Variants in ADAMDEC1 observed in about 807,000 individuals in gnomAD.
ADAMDEC1 encodes the protein ADAM like decysin 1.
In ADAMDEC1, 62 loss-of-function variants were observed where a neutral mutation model predicts 60.4. That is an observed-to-expected ratio of 1.03 (90% CI 0.84 to 1.27). The LOEUF is 1.27. Ranked by LOEUF, ADAMDEC1 falls within the 50% of genes most tolerant of loss-of-function variation. ADAMDEC1 has a pLI of 0.00. For missense variants in ADAMDEC1, 595 were observed against 565.0 expected (o/e 1.05, Z -0.54); for synonymous variants, 210 against 195.1 (o/e 1.08, Z -0.64).
chr8:24,402,594 C>T (rs192056989), intron 12 of ADAMDEC1, among the ~76,000 whole-genome samples: 7 of 152,222 alleles, frequency 4.6e-5, no homozygotes, highest in Non-Finnish European at 8.8e-5. Context: ...TATGATTCTG[C>T]TAATTTATAT....
At chr8:24,390,790 T>A (rs891175591) in intron 1 of ADAMDEC1, among the ~76,000 whole-genome samples, 3 of 152,174 alleles carry the variant, frequency 2.0e-5, no homozygotes, top group Non-Finnish European at 4.4e-5. Context: ...GGTTTTATTT[T>A]TTTTTTATTT....
At chr8:24,392,420 C>A (rs748431122) in intron 2 of ADAMDEC1, 40 bp downstream of exon 2, 31 of 1,434,612 alleles carry the variant, frequency 2.2e-5, no homozygotes, top group Non-Finnish European at 3.0e-5. Flanking sequence ...TTACAATCAT[C>A]CAAAGAGACA....
intron 1 of ADAMDEC1, among the ~76,000 whole-genome samples, chr8:24,388,142 T>G (rs986573184): frequency 6.6e-6 from 1 of 152,182 alleles, no homozygotes; most frequent in Non-Finnish European, 1.5e-5. Context: ...GGTACCTACT[T>G]CTTGCCCTCT....
At position 24,397,415 on chromosome 8, in the gene ADAMDEC1, C is replaced by A; in HGVS notation, c.586C>A (p.Gln196Lys). Residue 196 changes from glutamine to lysine, a missense_variant, in exon 6 of 14, where the codon CAA becomes AAA. Gln to Lys is a moderately conservative substitution (Grantham distance 53). Coordinates refer to ENST00000256412, the MANE Select transcript of ADAMDEC1 (RefSeq NM_014479.3). The part of the protein sequence containing the change: ...TCGVKSTDGK[Q>K]GPIRISRSLK... ...TGGTGTGAAGAGCACTGACGGGAAA[C>A]AAGGCCCAATTCGAATCTCTAGATC... 1 of 1,614,034 alleles carries A rather than the reference C, an allele frequency of 6.2e-7. No individual in the cohort carries two copies.
rs777063512 is a variant in ADAMDEC1 at position 24,394,117 on chromosome 8, A to G, written c.333A>G (p.Gly111=). Reference sequence around the variant, plus strand: ...CTGAAACATTGTACTCACCCAGAGGAGAGGAAATTACCACGAAACCTGAGA... The same window carrying G: ...CTGAAACATTGTACTCACCCAGAGGGGAGGAAATTACCACGAAACCTGAGA... ...DYTETLYSPR[G]EEITTKPENM... Residue 111 remains glycine, a synonymous_variant, in exon 4 of 14, where the codon GGA becomes GGG. Transcript: ENST00000256412. 5 of 1,613,314 alleles carry G rather than the reference A, an allele frequency of 3.1e-6. No homozygotes were observed. Among genetic ancestry groups the G allele is most frequent in the Non-Finnish European group, 3.4e-6 (4 of 1,179,492 alleles).
In ADAMDEC1 at chr8:24,397,451, C is replaced by A; in HGVS notation, c.622C>A (p.Pro208Thr). The change falls in exon 6 of 14, where the codon CCA (proline) becomes ACA (threonine). Residue 208 changes from proline to threonine, a missense_variant. Physicochemically the swap from Pro to Thr is conservative, Grantham distance 38. Coordinates refer to ENST00000256412, the MANE Select transcript of ADAMDEC1 (RefSeq NM_014479.3). Reference protein sequence around the residue: ...PIRISRSLKSPEKEDFLRAQK... With the variant: ...PIRISRSLKSTEKEDFLRAQK... ...TCGAATCTCTAGATCACTCAAAAGC[C>A]CAGAGGTGAATACAATTCCCTTACC... is the stretch of plus-strand genomic sequence containing the variant. The A allele has an allele frequency of 6.2e-7, 1 of 1,613,324 alleles. No individual in the cohort carries two copies. The highest frequency in any genetic ancestry group is 8.5e-7 in the Non-Finnish European group (1 of 1,179,752).
chr8:24,400,292 G>A lies in ADAMDEC1; in HGVS notation c.1134G>A (p.Gln378=), dbSNP rs764070825. 52 of 1,599,898 alleles carry A rather than the reference G, an allele frequency of 3.3e-5. No homozygotes were observed. Among genetic ancestry groups the A allele is most frequent in the South Asian group, 2.1e-4 (18 of 87,262 alleles). ...CCTCTGGCAGTTGTGTGATGAATCA[G>A]TATCTGAGGTGAGACCTTGTCATCC... ...KCPSGSCVMN[Q]YLSSKFPKDF... Residue 378 remains glutamine, a synonymous_variant, in exon 11 of 14, where the codon CAG becomes CAA. Transcript: ENST00000256412.
chr8:24,385,713 AT>A (rs1817274356), intron 1 of ADAMDEC1, among the ~76,000 whole-genome samples: 1 of 152,202 alleles, frequency 6.6e-6, no homozygotes, highest in South Asian at 2.1e-4. Flanking sequence ...CTTCCGAATC[AT>A]AGCTCTGCTA....
At chr8:24,403,106 T>C (rs1817805306) in intron 12 of ADAMDEC1, among the ~76,000 whole-genome samples, 1 of 152,138 alleles carries the variant, frequency 6.6e-6, no homozygotes, top group Admixed American at 6.6e-5. Flanking sequence ...AGGACCATTG[T>C]ATACACAATA....
intron 13 of ADAMDEC1, 83 bp from the exon 14 acceptor site, chr8:24,405,209 A>C: frequency 5.5e-6 from 7 of 1,280,444 alleles, no homozygotes. Flanking sequence ...TTTAAATTCT[A>C]TACATTTTCA....
At position 24,405,359 on chromosome 8, in the gene ADAMDEC1, T is replaced by C. The variant is rs569451884; in HGVS notation, c.*61T>C. 684 of 1,584,774 alleles carry C rather than the reference T, an allele frequency of 4.3e-4. 2 individuals are homozygous for C. Among genetic ancestry groups the C allele is most frequent in the Non-Finnish European group, 5.6e-4 (645 of 1,157,912 alleles). Reference sequence around the variant, plus strand: ...CAGGACAAGAACCAAGAACTCTAACTGTCCCAGGAATCTTGTGAATTTTCA... The same window carrying C: ...CAGGACAAGAACCAAGAACTCTAACCGTCCCAGGAATCTTGTGAATTTTCA... On this transcript the variant is annotated 3_prime_UTR_variant, in exon 14 of 14. Coordinates refer to ENST00000256412, the MANE Select transcript of ADAMDEC1 (RefSeq NM_014479.3).
intron 8 of ADAMDEC1, 70 bp downstream of exon 8, chr8:24,398,621 T>G (rs1179657332): frequency 6.6e-6 from 8 of 1,205,550 alleles, no homozygotes; most frequent in Non-Finnish European, 9.5e-6. Flanking sequence ...CCCTAAGATT[T>G]CACCAACAAG....
At chr8:24,391,037 T>C (rs1326869495) in intron 1 of ADAMDEC1, among the ~76,000 whole-genome samples, 1 of 152,182 alleles carries the variant, frequency 6.6e-6, no homozygotes, top group Non-Finnish European at 1.5e-5. Context: ...TCATATTCTC[T>C]TTTAATAAAA....
At chr8:24,399,207 T>C (rs1250033726) in intron 9 of ADAMDEC1, among the ~76,000 whole-genome samples, 167 bp downstream of exon 9, 3 of 152,162 alleles carry the variant, frequency 2.0e-5, no homozygotes, top group South Asian at 2.1e-4. Context: ...AATCAGATGA[T>C]AGAATGAGCT....
intron 5 of ADAMDEC1, among the ~76,000 whole-genome samples, chr8:24,396,877 T>C (rs1010540554): frequency 6.6e-6 from 1 of 152,236 alleles, no homozygotes; most frequent in Non-Finnish European, 1.5e-5. Flanking sequence ...CTGGTTGGCC[T>C]GCTGATCATT....
chr8:24,386,817 C>T (rs1389726150), intron 1 of ADAMDEC1, among the ~76,000 whole-genome samples: 1 of 152,188 alleles, frequency 6.6e-6, no homozygotes, highest in Non-Finnish European at 1.5e-5. Flanking sequence ...CCCGCAGACC[C>T]TGGCTGACCG....
At chr8:24,393,471 T>G (rs1335907800) in intron 3 of ADAMDEC1, 133 bp downstream of exon 3, 2 of 517,968 alleles carry the variant, frequency 3.9e-6, no homozygotes, top group African/African-American at 2.0e-5. Context: ...GATACTAGTT[T>G]GTGCTAAAAA....
chr8:24,399,252 C>A, intron 9 of ADAMDEC1, 141 bp from the exon 10 acceptor site: 1 of 1,031,330 alleles, frequency 9.7e-7, no homozygotes, highest in South Asian at 1.5e-5. Flanking sequence ...GGTCATAACA[C>A]TAAGGAATAG....
At chr8:24,401,570 C>A (rs1187316309) in intron 11 of ADAMDEC1, among the ~76,000 whole-genome samples, 1 of 152,054 alleles carries the variant, frequency 6.6e-6, no homozygotes, top group East Asian at 1.9e-4. Flanking sequence ...TATCTCTTGC[C>A]CCTCAATTCT....
Sources: allele counts gnomAD v4.1 joint callset (sites outside exome capture counted in the v4.1 genomes callset), GRCh38; gene constraint gnomAD v4.1.1; transcripts MANE v1.5; gene names NCBI Gene and HGNC (gene_info 2026-07-23, HGNC 2026-07-21).